Variants in CA1 observed in about 807,000 individuals in gnomAD.
The protein encoded by CA1 is carbonate dehydratase I.
CA1 carries 27 observed loss-of-function variants against 28.8 expected under a neutral mutation model. The ratio of observed to expected loss-of-function variants is 0.94; its 90% confidence interval spans 0.69 to 1.29. CA1 has a LOEUF of 1.29. CA1 is among the 50% of genes most tolerant of loss of function. The pLI is 0.00. For synonymous variants in CA1, 121 were observed against 108.8 expected, an observed-to-expected ratio of 1.11 and a Z score of -0.70; for missense variants, 335 against 310.5, an observed-to-expected ratio of 1.08 and a Z score of -0.59.
Position 85,333,523 on chromosome 8 carries a change from A to G in CA1, c.450+2T>C, listed in dbSNP as rs1226874913. On this transcript the variant is annotated splice_donor_variant, in intron 5 of 7. Coordinates refer to ENST00000523022, the MANE Select transcript of CA1 (RefSeq NM_001128831.4). LOFTEE classifies it high-confidence loss of function. Reference sequence around the variant, plus strand: ...AGAGCTGTGTAATTATCTGTAACTCACCTTCATCAAAACACCAATAACTGC... The same window carrying G: ...AGAGCTGTGTAATTATCTGTAACTCGCCTTCATCAAAACACCAATAACTGC... 1.9e-6 allele frequency: 3 copies of G among 1,590,974 alleles called. No homozygotes were observed. Among genetic ancestry groups the G allele is most frequent in the Non-Finnish European group, 2.6e-6 (3 of 1,159,530 alleles).
At chr8:85,328,867 T>C (rs1196199313) in intron 7 of CA1, among the ~76,000 whole-genome samples, 191 bp from the exon 8 acceptor site, 1 of 152,048 alleles carries the variant, frequency 6.6e-6, no homozygotes, top group Non-Finnish European at 1.5e-5. Flanking sequence ...CTTTAATTAT[T>C]GATTTAATTA....
At chr8:85,377,662 G>A (rs1246728999) in intron 1 of CA1, among the ~76,000 whole-genome samples, 1 of 152,114 alleles carries the variant, frequency 6.6e-6, no homozygotes, top group African/African-American at 2.4e-5. Flanking sequence ...AATTAGCCAG[G>A]TGTGGTGGCA....
Position 85,329,826 on chromosome 8 carries a change from T to C in CA1, c.532A>G (p.Thr178Ala), listed in dbSNP as rs200555987. The change falls in exon 7 of 8, where the codon ACA (threonine) becomes GCA (alanine). Residue 178 changes from threonine (T) to alanine (A), a missense_variant. Thr to Ala is a moderately conservative substitution (Grantham distance 58, BLOSUM62 0). Coordinates refer to ENST00000523022, the MANE Select transcript of CA1 (RefSeq NM_001128831.4). ...IKTKGKRAPF[T>A]NFDPSTLLPS... ...AGGAGAGTAGAGGGGTCAAAATTTG[T>C]GAATGGGGCTCGTTTGCCCTGGAAG... is the stretch of plus-strand genomic sequence containing the variant. 1 of 1,594,812 alleles carries C rather than the reference T, an allele frequency of 6.3e-7. No homozygotes were observed. Among genetic ancestry groups the C allele is most frequent in the Non-Finnish European group, 8.6e-7 (1 of 1,168,726 alleles).
chr8:85,367,138 G>C (rs550851124), intron 1 of CA1, among the ~76,000 whole-genome samples: 37 of 151,786 alleles, frequency 2.4e-4, no homozygotes, highest in African/African-American at 8.0e-4. Context: ...AATTATTCTT[G>C]CCTTAAGAAT....
At chr8:85,337,918 A>G (rs370398875) in intron 3 of CA1, 1 of 397,682 alleles carries the variant, frequency 2.5e-6, no homozygotes, top group Non-Finnish European at 4.7e-6. Context: ...TTTTCTTTTT[A>G]GTTGTTATAT....
At chr8:85,344,134 TATATATAA>T (rs1809036190) in intron 1 of CA1, among the ~76,000 whole-genome samples, 1 of 137,884 alleles carries the variant, frequency 7.3e-6, no homozygotes, top group Non-Finnish European at 1.5e-5. Context: ...TTTAAATTTA[TATATATAA>T]TTATATATTA....
At chr8:85,355,277 C>T (rs759739480) in intron 1 of CA1, among the ~76,000 whole-genome samples, 7 of 152,256 alleles carry the variant, frequency 4.6e-5, no homozygotes, top group Non-Finnish European at 1.0e-4. Context: ...CACTGAGAAA[C>T]ATCACCCCAA....
At chr8:85,347,887 C>T (rs191807806) in intron 1 of CA1, among the ~76,000 whole-genome samples, 21 of 152,236 alleles carry the variant, frequency 1.4e-4, no homozygotes, top group Admixed American at 1.4e-3. Context: ...CTGATTAGGA[C>T]ACTATCAAGC....
intron 1 of CA1, among the ~76,000 whole-genome samples, chr8:85,367,240 G>T (rs1334755056): frequency 6.6e-6 from 1 of 151,972 alleles, no homozygotes; most frequent in African/African-American, 2.4e-5. Context: ...ATGTCTACTG[G>T]CATGTCAATA....
At chr8:85,370,166 A>C (rs1810162587) in intron 1 of CA1, among the ~76,000 whole-genome samples, 1 of 152,172 alleles carries the variant, frequency 6.6e-6, no homozygotes, top group Non-Finnish European at 1.5e-5. Flanking sequence ...GTATATTAAT[A>C]CCTGTAATTT....
chr8:85,351,645 G>T (rs1430966503), intron 1 of CA1: 1 of 152,220 alleles, frequency 6.6e-6, no homozygotes, highest in East Asian at 1.9e-4. Flanking sequence ...CCATTTGGAT[G>T]TAGCTGAGAC....
chr8:85,340,072 A>C (rs1340386846), intron 2 of CA1, among the ~76,000 whole-genome samples: 1 of 152,252 alleles, frequency 6.6e-6, no homozygotes, highest in Non-Finnish European at 1.5e-5. Context: ...AGGTGACTAC[A>C]CTAAACAACA....
chr8:85,365,870 A>G (rs1402745085), intron 1 of CA1, among the ~76,000 whole-genome samples: 3 of 152,140 alleles, frequency 2.0e-5, no homozygotes, highest in Admixed American at 6.5e-5. Flanking sequence ...CTCCAAAATA[A>G]TGAAGGCTTT....
At chr8:85,353,848 T>A (rs1809502267) in intron 1 of CA1, among the ~76,000 whole-genome samples, 1 of 152,248 alleles carries the variant, frequency 6.6e-6, no homozygotes, top group Non-Finnish European at 1.5e-5. Flanking sequence ...AAAAGGGGTC[T>A]AGTAATATGA....
chr8:85,377,569 C>T (rs577298004), intron 1 of CA1, among the ~76,000 whole-genome samples: 19 of 152,274 alleles, frequency 1.2e-4, no homozygotes, highest in Non-Finnish European at 2.5e-4. Flanking sequence ...CTTTGGGAGG[C>T]TGAGGAGGGC....
rs767587716 is a variant in CA1 at position 85,332,532 on chromosome 8, C to T, written c.471G>A (p.Lys157=). The T allele has an allele frequency of 6.2e-7, 1 of 1,613,170 alleles. No individual in the cohort carries two copies. Among genetic ancestry groups the T allele is most frequent in the East Asian group, 2.2e-5 (1 of 44,778 alleles). The change falls in exon 6 of 8, where the codon AAG becomes AAA. Residue 157 remains lysine, a synonymous_variant. Transcript: ENST00000523022. ...VLMKVGEANP[K]LQKVLDALQA... ...GGAGGGCATCAAGTACTTTCTGCAG[C>T]TTTGGGTTGGCCTCACCAACCTGGA...
At chr8:85,330,420 T>G (rs1014248026) in intron 6 of CA1, among the ~76,000 whole-genome samples, 33 of 152,108 alleles carry the variant, frequency 2.2e-4, no homozygotes, top group Admixed American at 1.6e-3. Flanking sequence ...GATAGTTTTG[T>G]TTTTGCTCTT....
At chr8:85,356,106 C>G (rs536791939) in intron 1 of CA1, among the ~76,000 whole-genome samples, 1 of 152,248 alleles carries the variant, frequency 6.6e-6, no homozygotes, top group Admixed American at 6.5e-5. Flanking sequence ...AGAGTTTTTT[C>G]TATGACAATC....
chr8:85,344,363 G>A (rs1417497671), intron 1 of CA1, among the ~76,000 whole-genome samples: 1 of 140,454 alleles, frequency 7.1e-6, no homozygotes, highest in South Asian at 2.2e-4. Context: ...ATGTATATTA[G>A]ATTATTACAT....
Sources: allele counts gnomAD v4.1 joint callset (sites outside exome capture counted in the v4.1 genomes callset), GRCh38; gene constraint gnomAD v4.1.1; transcripts MANE v1.5; gene names NCBI Gene and HGNC (gene_info 2026-07-23, HGNC 2026-07-21).